DMD: variants seen among roughly 807,000 people sequenced by gnomAD.
DMD encodes dystrophin.
DMD carries 63 observed loss-of-function variants against 330.1 expected under a neutral mutation model. The ratio of observed to expected loss-of-function variants is 0.19; its 90% CI spans 0.16 to 0.24. The LOEUF is 0.24. Ranked by LOEUF, DMD falls within the 10% of genes least tolerant of loss-of-function variation. DMD has a pLI of 1.00. For synonymous variants in DMD, 1,223 were observed against 959.8 expected (o/e 1.27, Z -5.07); for missense variants, 3,344 against 2,684.1 (o/e 1.25, Z -5.43).
At chrX:32,412,107 AC>A (rs2098144874) in intron 29 of DMD, 194 bp from the exon 30 acceptor site, 1 of 1,161,478 alleles carries the variant, frequency 8.6e-7, no homozygotes, top group African/African-American at 1.8e-5. Context: ...TAAATAGCAA[AC>A]AAAACTATAG....
chrX:31,161,868 C>A (rs1359845140), intron 74 of DMD, among the ~76,000 whole-genome samples: 5 of 111,159 alleles, frequency 4.5e-5, no homozygotes, highest in African/African-American at 1.6e-4. Context: ...GTCCTTTAAA[C>A]AGTAGTCCCC....
rs749962920 is a variant in DMD, at chrX:32,631,759, C to A, written c.1331+12373G>T. Among the ~76,000 whole-genome samples, 38 of 111,404 alleles carry A rather than the reference C, an allele frequency of 3.4e-4. 1 individual carries two copies. Among genetic ancestry groups the A allele is most frequent in the African/African-American group, 1.2e-3 (36 of 30,616 alleles). On this transcript the variant is annotated intron_variant, in intron 11 of 78. Coordinates refer to ENST00000357033, the MANE Select transcript of DMD (RefSeq NM_004006.3). ...TTCACCCACTATCATGAAAACAGCA[C>A]TAAGAGGATAGTGCTAAACCATTCA...
chrX:31,843,847 T>TTATTGTATTGTATTGTATTGTATTA (rs57045672), intron 48 of DMD, among the ~76,000 whole-genome samples: 1 of 109,178 alleles, frequency 9.2e-6, no homozygotes, highest in African/African-American at 3.4e-5. Flanking sequence ...GTTTGAGATT[T>TTATTGTATTGTATTGTATTGTATTA]TATTGTATTG....
intron 47 of DMD, among the ~76,000 whole-genome samples, chrX:31,891,104 T>C (rs748331019): frequency 9.0e-6 from 1 of 111,353 alleles, no homozygotes; most frequent in African/African-American, 3.3e-5. Flanking sequence ...ACAAGTAAAA[T>C]AATAATATCA....
At chrX:31,788,093 T>C (rs1363325199) in intron 50 of DMD, among the ~76,000 whole-genome samples, 1 of 112,284 alleles carries the variant, frequency 8.9e-6, no homozygotes, top group African/African-American at 3.2e-5. Flanking sequence ...AGCATTAGCA[T>C]GACAGTTTTG....
chrX:32,342,139 G>T lies in DMD; in HGVS notation c.5883C>A (p.Ser1961Arg), dbSNP rs1217612438. ...QLSKRWREIE[S>R]KFAQFRRLNF... ...TGAGTCTTCGAAACTGAGCAAATTT[G>T]CTCTCAATTTCCCGCCAGCGCTTGC... The change falls in exon 41 of 79, where the codon AGC (serine) becomes AGA (arginine). Residue 1961 changes from serine (S) to arginine (R), a missense_variant. Physicochemically the swap from Ser to Arg is moderately radical, Grantham distance 110. Coordinates refer to ENST00000357033, the MANE Select transcript of DMD (RefSeq NM_004006.3). 1 of 1,208,081 alleles carries T rather than the reference G, an allele frequency of 8.3e-7. No homozygotes were observed. The highest frequency in any genetic ancestry group is 1.1e-6 in the Non-Finnish European group (1 of 894,050).
intron 2 of DMD, among the ~76,000 whole-genome samples, chrX:32,984,312 T>C (rs1335060158): frequency 8.9e-6 from 1 of 112,525 alleles, no homozygotes; most frequent in African/African-American, 3.2e-5. Flanking sequence ...TGGAGCGCAA[T>C]GGCGCCATCT....
chrX:32,386,728 T>TCA (rs1274549341), intron 32 of DMD, among the ~76,000 whole-genome samples: 2 of 73,494 alleles, frequency 2.7e-5, no homozygotes, highest in Non-Finnish European at 5.7e-5. Flanking sequence ...ATGTGTTTTG[T>TCA]GATATATATA....
At chrX:31,786,003 G>C (rs778967907) in intron 50 of DMD, among the ~76,000 whole-genome samples, 153 of 111,888 alleles carry the variant, frequency 1.4e-3, no homozygotes, top group African/African-American at 4.9e-3. Flanking sequence ...ATTTCTGGTT[G>C]TAGATCCTTG....
intron 12 of DMD, among the ~76,000 whole-genome samples, chrX:32,596,501 C>A (rs982246704): frequency 9.1e-6 from 1 of 109,577 alleles, no homozygotes; most frequent in African/African-American, 3.3e-5. Context: ...TCATTCTTGA[C>A]ACCTTCTCTT....
At chrX:32,793,885 C>G in intron 7 of DMD, among the ~76,000 whole-genome samples, 1 of 111,520 alleles carries the variant, frequency 9.0e-6, no homozygotes, top group East Asian at 2.8e-4. Flanking sequence ...TTCCCCCTAT[C>G]TCATTCTATG....
At chrX:31,161,397 C>T (rs762401554) in intron 74 of DMD, among the ~76,000 whole-genome samples, 2 of 111,629 alleles carry the variant, frequency 1.8e-5, no homozygotes, top group Non-Finnish European at 3.8e-5. Context: ...AAACTGAATA[C>T]GTAAAATCAA....
chrX:32,852,762 C>T (rs1203962168), intron 2 of DMD, among the ~76,000 whole-genome samples: 1 of 111,213 alleles, frequency 9.0e-6, no homozygotes, highest in Non-Finnish European at 1.9e-5. Flanking sequence ...GCAGTACTCA[C>T]CATGAGCCTG....
chrX:32,944,847 C>T (rs1211190026), intron 2 of DMD, among the ~76,000 whole-genome samples: 1 of 110,653 alleles, frequency 9.0e-6, no homozygotes, highest in African/African-American at 3.3e-5. Flanking sequence ...CTCAGGTGAT[C>T]CACCCGCCTC....
chrX:32,684,560 CAAT>C (rs1285521724), intron 9 of DMD, among the ~76,000 whole-genome samples: 1 of 111,614 alleles, frequency 9.0e-6, no homozygotes, highest in Non-Finnish European at 1.9e-5. Flanking sequence ...AGGACAGCAT[CAAT>C]TTATTCTGTC....
intron 1 of DMD, among the ~76,000 whole-genome samples, chrX:33,275,231 A>G (rs745721926): frequency 7.1e-5 from 8 of 112,242 alleles, no homozygotes; most frequent in Non-Finnish European, 3.7e-5. Flanking sequence ...AAAAGAATAC[A>G]TGCTTCTACA....
chrX:32,149,374 A>C (rs1325168919), intron 44 of DMD, among the ~76,000 whole-genome samples: 4 of 112,166 alleles, frequency 3.6e-5, no homozygotes, highest in Non-Finnish European at 7.5e-5. Context: ...AGCATGAGTA[A>C]TTGCCAATTG....
upstream of DMD, among the ~76,000 whole-genome samples, chrX:33,214,434 T>C (rs754865533): frequency 8.9e-5 from 10 of 111,780 alleles, no homozygotes; most frequent in African/African-American, 3.2e-4. Context: ...ACCGCATTGA[T>C]TCCTCCAATT....
At chrX:32,663,599 A>T (rs1249055866) in intron 9 of DMD, among the ~76,000 whole-genome samples, 1 of 111,697 alleles carries the variant, frequency 9.0e-6, no homozygotes, top group Non-Finnish European at 1.9e-5. Flanking sequence ...ACAAATATTT[A>T]TTAAGCAACT....
Sources: allele counts gnomAD v4.1 joint callset (sites outside exome capture counted in the v4.1 genomes callset), GRCh38; gene constraint gnomAD v4.1.1; transcripts MANE v1.5; gene names NCBI Gene and HGNC (gene_info 2026-07-23, HGNC 2026-07-21).